The following REXO5 variants were observed in gnomAD, a reference collection of about 807,000 sequenced individuals.
REXO5 encodes the protein exonuclease NEF-sp.
REXO5 carries 48 observed loss-of-function variants against 88.5 expected under a neutral mutation model. The observed-to-expected ratio is 0.54, with a 90% CI of 0.43 to 0.69. The LOEUF (loss-of-function observed/expected upper bound fraction) is 0.69, where lower values mean the gene tolerates loss of function less well. Among genes scored for constraint, REXO5 ranks in the 30% least tolerant of loss-of-function variants. The pLI is 0.00. For synonymous variants in REXO5, 311 were observed against 336.5 expected, an observed-to-expected ratio of 0.92 and a Z score of 0.83; for missense variants, 749 against 912.2, an observed-to-expected ratio of 0.82 and a Z score of 2.30.
intron 15 of REXO5, among the ~76,000 whole-genome samples, chr16:20,843,655 T>G (rs1262578068): frequency 6.6e-6 from 1 of 152,226 alleles, no homozygotes; most frequent in African/African-American, 2.4e-5. Flanking sequence ...GCCCGTGACT[T>G]GCAGTGATGA....
intron 2 of REXO5, among the ~76,000 whole-genome samples, chr16:20,810,204 A>T (rs1358706653): frequency 6.6e-6 from 1 of 152,236 alleles, no homozygotes; most frequent in Non-Finnish European, 1.5e-5. Context: ...TGATGTTAAT[A>T]CAGATGCTTC....
chr16:20,806,639 C>T lies in REXO5; in HGVS notation c.-69C>T. On this transcript the variant is annotated 5_prime_UTR_variant, in exon 1 of 20. Coordinates refer to ENST00000261377, the MANE Select transcript of REXO5 (RefSeq NM_030941.3). ...AGTGGTTTTAGGCGGCGAAGCCGCT[C>T]GGCAGCACCTTCCTTCTTTGCCAGG... 2 of 1,234,948 alleles carry T rather than the reference C, an allele frequency of 1.6e-6. No individual in the cohort carries two copies. The highest frequency in any genetic ancestry group is 2.6e-5 in the East Asian group (1 of 38,278). The allele number at this position is 1,234,948 out of a possible 1,614,324, so 76.5% of individuals were successfully genotyped here.
intron 13 of REXO5, among the ~76,000 whole-genome samples, chr16:20,838,273 G>A (rs1279394018): frequency 6.6e-6 from 1 of 151,800 alleles, no homozygotes; most frequent in Admixed American, 6.6e-5. Flanking sequence ...TCTTATTGTA[G>A]TAAAAAACAT....
In REXO5 at chr16:20,806,648, C is replaced by T; in HGVS notation, c.-60C>T. ...AGGCGGCGAAGCCGCTCGGCAGCAC[C>T]TTCCTTCTTTGCCAGGCAGACGCCC... On this transcript the variant is annotated 5_prime_UTR_variant, in exon 1 of 20. Transcript: ENST00000261377. 2 of 1,206,442 alleles carry T rather than the reference C, an allele frequency of 1.7e-6. No homozygotes were observed. Among genetic ancestry groups the T allele is most frequent in the South Asian group, 3.2e-5 (2 of 62,128 alleles). 74.7% of individuals were successfully genotyped at this position (1,206,442 alleles called of 1,614,324 possible).
At chr16:20,832,530 G>C (rs1377651315) in intron 12 of REXO5, among the ~76,000 whole-genome samples, 1 of 151,088 alleles carries the variant, frequency 6.6e-6, no homozygotes. Context: ...GGAATACGTT[G>C]AACCTAGGTA....
At chr16:20,838,431 G>T (rs1318893498) in intron 13 of REXO5, among the ~76,000 whole-genome samples, 1 of 152,154 alleles carries the variant, frequency 6.6e-6, no homozygotes, top group African/African-American at 2.4e-5. Flanking sequence ...ACTTATTGTT[G>T]TTGGTATTGT....
Position 20,806,571 on chromosome 16 carries a change from G to T in REXO5, c.-137G>T. 2.0e-6 allele frequency: 3 copies of T among 1,466,008 alleles called. No homozygotes were observed. In the South Asian group the frequency reaches 4.0e-5, roughly 20 times the overall value. 90.8% of individuals were successfully genotyped at this position (1,466,008 alleles called of 1,614,324 possible). On this transcript the variant is annotated 5_prime_UTR_variant, in exon 1 of 20. Coordinates refer to ENST00000261377, the MANE Select transcript of REXO5 (RefSeq NM_030941.3). ...AAGGAGGGGAGAACCTCTGCTCCCC[G>T]CCCGTCTTCTCTTCTGCGTTTCCCG...
chr16:20,827,889 G>A (rs1405530041), intron 10 of REXO5, among the ~76,000 whole-genome samples: 2 of 152,114 alleles, frequency 1.3e-5, no homozygotes, highest in East Asian at 3.8e-4. Context: ...AGAAGAATAT[G>A]ATAAATCTGT....
At chr16:20,825,369 G>A (rs924292117) in intron 7 of REXO5, among the ~76,000 whole-genome samples, 3 of 152,204 alleles carry the variant, frequency 2.0e-5, no homozygotes, top group Admixed American at 6.5e-5. Context: ...TGGCTATGTC[G>A]CCTTAGACAA....
chr16:20,808,794 G>C (rs2080953227), intron 2 of REXO5: 1 of 151,546 alleles, frequency 6.6e-6, no homozygotes, highest in South Asian at 2.1e-4. Flanking sequence ...GTAGAGACGG[G>C]GTTTTGCCAT....
intron 18 of REXO5, 82 bp downstream of exon 18, chr16:20,845,323 T>C (rs1372532052): frequency 2.6e-5 from 32 of 1,227,650 alleles, no homozygotes; most frequent in East Asian, 5.1e-5. Flanking sequence ...TTTTTTTTTT[T>C]CTACCCTGGC....
chr16:20,821,725 A>G, intron 5 of REXO5, 37 bp from the exon 6 acceptor site: 1 of 1,522,590 alleles, frequency 6.6e-7, no homozygotes, highest in Non-Finnish European at 8.8e-7. Flanking sequence ...GTTCTTAAAC[A>G]CACATTCTAA....
chr16:20,807,263 A>AGGCTGTAATT, intron 2 of REXO5, 172 bp downstream of exon 2: 1 of 750,264 alleles, frequency 1.3e-6, no homozygotes, highest in Non-Finnish European at 2.1e-6. Flanking sequence ...TCCTGCAACA[A>AGGCTGTAATT]GGCTGTCATT....
intron 18 of REXO5, 109 bp from the exon 19 acceptor site, chr16:20,846,112 C>A (rs2081602553): frequency 2.3e-6 from 2 of 859,568 alleles, no homozygotes; most frequent in Non-Finnish European, 1.9e-6. Flanking sequence ...TTGTCTGGAA[C>A]CTTTACTGGA....
chr16:20,835,008 T>C (rs1012013521), intron 13 of REXO5, among the ~76,000 whole-genome samples: 3 of 152,242 alleles, frequency 2.0e-5, no homozygotes, highest in Admixed American at 6.5e-5. Flanking sequence ...AGTTTTTGTA[T>C]TGGATGCCAG....
intron 3 of REXO5, 42 bp downstream of exon 3, chr16:20,813,344 C>CTTTTTTAT: frequency 3.1e-6 from 2 of 643,320 alleles, no homozygotes; most frequent in South Asian, 2.0e-5. Flanking sequence ...CCAGCGGTTT[C>CTTTTTTAT]TTTTTTTTTT....
intron 11 of REXO5, among the ~76,000 whole-genome samples, chr16:20,831,464 A>G (rs1249592294): frequency 6.6e-6 from 1 of 152,232 alleles, no homozygotes; most frequent in African/African-American, 2.4e-5. Context: ...ATAATGCATT[A>G]CTATTGGTTC....
intron 6 of REXO5, among the ~76,000 whole-genome samples, chr16:20,823,742 G>A (rs892126798): frequency 3.3e-4 from 50 of 152,182 alleles, no homozygotes; most frequent in African/African-American, 1.2e-3. Context: ...TCTGCCTGAA[G>A]GTAGAAATCT....
intron 2 of REXO5, among the ~76,000 whole-genome samples, chr16:20,812,600 G>A (rs1413547891): frequency 6.6e-6 from 1 of 152,134 alleles, no homozygotes; most frequent in Non-Finnish European, 1.5e-5. Context: ...TTGTTGCCCA[G>A]GGGATAAATT....
Sources: gnomAD v4.1 joint callset for allele counts (sites outside exome capture counted in the v4.1 genomes callset) on GRCh38, gnomAD v4.1.1 for gene constraint, MANE v1.5 for transcripts, NCBI Gene and HGNC (gene_info 2026-07-23, HGNC 2026-07-21) for gene names.